LAMA4: variants seen among roughly 807,000 people sequenced by gnomAD.
LAMA4 encodes laminin subunit alpha 4.
LAMA4 carries 127 observed loss-of-function variants against 207.1 expected under a neutral mutation model. The ratio of observed to expected loss-of-function variants is 0.61; its 90% CI spans 0.53 to 0.71. LAMA4 has a LOEUF of 0.71. Ranked by LOEUF, LAMA4 falls within the 30% of genes least tolerant of loss-of-function variation. The pLI is 0.00. For missense variants in LAMA4, 2,093 were observed against 2,246.5 expected (o/e 0.93, Z 1.38); for synonymous variants, 761 against 816.0 (o/e 0.93, Z 1.15).
chr6:112,138,869 T>G (rs1287721717), intron 24 of LAMA4, among the ~76,000 whole-genome samples: 5 of 152,202 alleles, frequency 3.3e-5, no homozygotes, highest in Admixed American at 6.5e-5. Context: ...ATCTAGATCT[T>G]GGTTCTAATT....
At chr6:112,129,161 G>T in intron 30 of LAMA4, 86 bp from the exon 31 acceptor site, 1 of 1,245,290 alleles carries the variant, frequency 8.0e-7, no homozygotes, top group Non-Finnish European at 1.2e-6. Flanking sequence ...AAGAGCTTTG[G>T]CAATTAAAAT....
Position 112,134,439 on chromosome 6 carries a change from C to G in LAMA4, c.3557+28G>C, listed in dbSNP as rs199588652. On this transcript the variant is annotated intron_variant, in intron 26 of 38. Transcript: ENST00000230538. ...TGCCAGCCCAGTACATTGCTAGGAA[C>G]AAACAGCTACTTAACAAAAAGCCTT... is the stretch of plus-strand genomic sequence containing the variant. The G allele has an allele frequency of 5.6e-6, 9 of 1,612,156 alleles. No homozygotes were observed. The African/African-American group carries it at 1.1e-4, about 19-fold the overall frequency.
At chr6:112,174,649 C>T (rs1033381319) in intron 11 of LAMA4, among the ~76,000 whole-genome samples, 11 of 152,138 alleles carry the variant, frequency 7.2e-5, no homozygotes, top group African/African-American at 2.2e-4. Flanking sequence ...CATGCCACCA[C>T]GCCCAGCTAT....
At chr6:112,253,365 G>A (rs1363045837) in intron 2 of LAMA4, 3 of 261,694 alleles carry the variant, frequency 1.1e-5, no homozygotes, top group East Asian at 1.0e-4. Flanking sequence ...AGCATATCCT[G>A]AGGCTTGATT....
At chr6:112,253,773 A>G in intron 2 of LAMA4, 183 bp downstream of exon 2, 10 of 1,614,122 alleles carry the variant, frequency 6.2e-6, no homozygotes, top group Non-Finnish European at 8.5e-6. Flanking sequence ...TCAACTCTCA[A>G]CATCCAAATG....
intron 11 of LAMA4, 112 bp from the exon 12 acceptor site, chr6:112,172,916 G>T: frequency 1.3e-6 from 1 of 784,808 alleles, no homozygotes; most frequent in Non-Finnish European, 2.2e-6. Context: ...TTTAGCAATG[G>T]AGATTGAAGC....
At chr6:112,190,655 C>T (rs782395420) in intron 6 of LAMA4, among the ~76,000 whole-genome samples, 2 of 152,184 alleles carry the variant, frequency 1.3e-5, no homozygotes, top group African/African-American at 2.4e-5. Flanking sequence ...AAGATCTGTG[C>T]GTTTCAGTCT....
At chr6:112,186,996 A>T in intron 8 of LAMA4, 1 of 431,246 alleles carries the variant, frequency 2.3e-6, no homozygotes, top group South Asian at 1.7e-5. Flanking sequence ...TAAGAAGGAA[A>T]GGTGGGTGGG....
intron 36 of LAMA4, 32 bp from the exon 37 acceptor site, chr6:112,114,788 G>T: frequency 1.4e-6 from 2 of 1,435,158 alleles, no homozygotes; most frequent in Non-Finnish European, 2.0e-6. Context: ...GTATGATTTA[G>T]TTTGTCCTCA....
intron 12 of LAMA4, among the ~76,000 whole-genome samples, chr6:112,166,665 A>G (rs1781400224): frequency 1.3e-5 from 2 of 152,250 alleles, no homozygotes; most frequent in Non-Finnish European, 2.9e-5. Flanking sequence ...GAAAAACAAT[A>G]TGCTTCAAGT....
rs1202967086 is a variant in LAMA4, at chr6:112,239,321, C to CAAA, written c.195+14632_195+14634dup. Among the ~76,000 whole-genome samples, 248 of 77,966 alleles carry CAAA rather than the reference C, an allele frequency of 3.2e-3. 10 individuals carry two copies. The highest frequency in any genetic ancestry group is 0.015 in the South Asian group (27 of 1,838). The allele number at this position is 77,966 out of a possible 152,430, so 51.1% of individuals were successfully genotyped here. ...CAGGTGACAGAGTGAGACTCCATCT[C>CAAA]AAAAAAAAAAAAAAAAAAAAGAGAC... On this transcript the variant is annotated intron_variant, in intron 2 of 38. Transcript: ENST00000230538.
At chr6:112,127,584 T>C (rs1421755865) in intron 31 of LAMA4, among the ~76,000 whole-genome samples, 1 of 152,122 alleles carries the variant, frequency 6.6e-6, no homozygotes, top group Non-Finnish European at 1.5e-5. Context: ...TAGGGCCTCT[T>C]ACAAATTGTG....
Position 112,141,392 on chromosome 6 carries a change from A to C in LAMA4, c.2779T>G (p.Trp927Gly), listed in dbSNP as rs863223686. 6.2e-7 allele frequency: 1 copy of C among 1,614,068 alleles called. No homozygotes were observed. Among genetic ancestry groups the C allele is most frequent in the Admixed American group, 1.7e-5 (1 of 60,006 alleles). Reference sequence around the variant, plus strand: ...TTGACAATGCTGAAGTAAGCAGGCCAGGAACTGACGGGCTTGGAGTCCAGG... The same window carrying C: ...TTGACAATGCTGAAGTAAGCAGGCCCGGAACTGACGGGCTTGGAGTCCAGG... ...IPLDSKPVSS[W>G]PAYFSIVKIE... The change falls in exon 21 of 39, where the codon TGG (tryptophan) becomes GGG (glycine). Residue 927 changes from tryptophan (W) to glycine (G), a missense_variant. By Grantham distance (184) the Trp-to-Gly change is radical. Around this residue, in one of 3 missense-constraint regions of LAMA4, gnomAD observed 1,704 missense variants for 1,788.4 expected, o/e 0.95. Coordinates refer to ENST00000230538, the MANE Select transcript of LAMA4 (RefSeq NM_001105206.3).
At chr6:112,197,354 G>A (rs1454370692) in intron 5 of LAMA4, among the ~76,000 whole-genome samples, 8 of 152,152 alleles carry the variant, frequency 5.3e-5, no homozygotes, top group Non-Finnish European at 8.8e-5. Flanking sequence ...GCGTGTTTGA[G>A]CTGTTTTTTT....
rs1554332975 is a variant in LAMA4 at position 112,140,844 on chromosome 6, C to T, written c.2892G>A (p.Gly964=). 3 of 1,614,026 alleles carry T rather than the reference C, an allele frequency of 1.9e-6. No homozygotes were observed. The highest frequency in any genetic ancestry group is 2.5e-6 in the Non-Finnish European group (3 of 1,179,926). ...GCAGAGAGTCATCTCCCGAAAATTC[C>T]CCCTTTTTAATGAACTTTTCCTCTG... ...STAEEKFIKK[G]EFSGDDSLLD... The change falls in exon 22 of 39, where the codon GGG becomes GGA. Residue 964 remains glycine (G), a synonymous_variant. Coordinates refer to ENST00000230538, the MANE Select transcript of LAMA4 (RefSeq NM_001105206.3).
At chr6:112,247,349 G>A (rs1787029827) in intron 2 of LAMA4, among the ~76,000 whole-genome samples, 1 of 152,152 alleles carries the variant, frequency 6.6e-6, no homozygotes, top group Admixed American at 6.6e-5. Flanking sequence ...CCCATATTCT[G>A]CCTGTAACGA....
In LAMA4 at chr6:112,142,111, G is replaced by A. The variant is rs782740757; in HGVS notation, c.2667+8C>T. 1 of 1,613,986 alleles carries A rather than the reference G, an allele frequency of 6.2e-7. No individual in the cohort carries two copies. Among genetic ancestry groups the A allele is most frequent in the Non-Finnish European group, 8.5e-7 (1 of 1,179,890 alleles). ...TATTATTCCCTCCTTTCAAACTCAT[G>A]TGCTTACGTTTTTGCTTCCGAGGTA... On this transcript the variant is annotated splice_region_variant and intron_variant, in intron 20 of 38. Transcript: ENST00000230538.
At chr6:112,121,228 GA>G (rs1554326090) in intron 32 of LAMA4, among the ~76,000 whole-genome samples, 1 of 152,036 alleles carries the variant, frequency 6.6e-6, no homozygotes, top group Non-Finnish European at 1.5e-5. Context: ...TTAATTAATG[GA>G]TACCACATGT....
At chr6:112,114,542 T>C (rs1483011864) in intron 37 of LAMA4, 121 bp downstream of exon 37, 8 of 760,068 alleles carry the variant, frequency 1.1e-5, no homozygotes, top group Non-Finnish European at 1.9e-5. Flanking sequence ...CATGATTTTC[T>C]TTTCTTGGAT....
Sources: gnomAD v4.1 joint callset for allele counts (sites outside exome capture counted in the v4.1 genomes callset) on GRCh38, gnomAD v4.1.1 for gene constraint, gnomAD v4.1.1 regional missense constraint, MANE v1.5 for transcripts, NCBI Gene and HGNC (gene_info 2026-07-23, HGNC 2026-07-21) for gene names.